The following HRC variants were observed in gnomAD, a reference collection of about 807,000 sequenced individuals.
HRC encodes sarcoplasmic reticulum histidine-rich calcium-binding protein.
HRC carries 41 observed loss-of-function variants against 61.4 expected under a neutral mutation model. The observed-to-expected ratio is 0.67, with a 90% CI of 0.52 to 0.87. The LOEUF is 0.87. Among genes scored for constraint, HRC ranks in the 40% least tolerant of loss-of-function variants. The pLI is 0.00. For missense variants in HRC, 839 were observed against 885.8 expected (o/e 0.95, Z 0.67); for synonymous variants, 308 against 326.6 (o/e 0.94, Z 0.62).
At position 49,153,399 on chromosome 19, in the gene HRC, C is replaced by A; in HGVS notation, c.1831+8G>T. The stretch of plus-strand genomic sequence containing the variant: ...TCCTTCCCACCCACACCAGCCCAGG[C>A]CACTTACCTGTGTCCTCACCGCTTT... On this transcript the variant is annotated splice_region_variant and intron_variant, in intron 1 of 5. Transcript: ENST00000252825. The surrounding 1 kb of genome is among the most constrained non-coding windows in gnomAD (Gnocchi z 4.8). 1 of 1,613,000 alleles carries A rather than the reference C, an allele frequency of 6.2e-7. No homozygotes were observed. The highest frequency in any genetic ancestry group is 1.7e-5 in the Admixed American group (1 of 60,008).
rs771568819 is a variant in HRC, at chr19:49,153,764, G to C, written c.1474C>G (p.Pro492Ala). Reference sequence around the variant, plus strand: ...TCATCGTCTTCCTCATGGGAGCCGGGGTCCTCTTCCTTCTCCTTTTCCTCC... The same window carrying C: ...TCATCGTCTTCCTCATGGGAGCCGGCGTCCTCTTCCTTCTCCTTTTCCTCC... Reference protein sequence around the residue: ...SEEEKEKEEDPGSHEEDDESS... With the variant: ...SEEEKEKEEDAGSHEEDDESS... Residue 492 changes from proline (P) to alanine (A), a missense_variant, in exon 1 of 6, where the codon CCC becomes GCC. By Grantham distance (27) the Pro-to-Ala change is conservative (BLOSUM62 -1). Coordinates refer to ENST00000252825, the MANE Select transcript of HRC (RefSeq NM_002152.3). The surrounding 1 kb of genome is among the most constrained non-coding windows in gnomAD (Gnocchi z 4.8). The C allele has an allele frequency of 8.7e-6, 14 of 1,613,930 alleles. No homozygotes were observed. Among genetic ancestry groups the C allele is most frequent in the Non-Finnish European group, 1.2e-5 (14 of 1,180,024 alleles).
At position 49,153,141 on chromosome 19, in the gene HRC, T is replaced by G; in HGVS notation, c.1902+120A>C. On this transcript the variant is annotated intron_variant, in intron 2 of 5. Coordinates refer to ENST00000252825, the MANE Select transcript of HRC (RefSeq NM_002152.3). The surrounding 1 kb of genome is among the most constrained non-coding windows in gnomAD (Gnocchi z 4.8). Reference sequence around the variant, plus strand: ...CCTCACATGCCTGCAGAAGGATCTCTTTTCTTTCAGAACTGACCCTGGCCT... The same window carrying G: ...CCTCACATGCCTGCAGAAGGATCTCGTTTCTTTCAGAACTGACCCTGGCCT... The G allele has an allele frequency of 2.7e-6, 2 of 752,636 alleles. No individual in the cohort carries two copies. Among genetic ancestry groups the G allele is most frequent in the Non-Finnish European group, 4.7e-6 (2 of 423,076 alleles). 46.6% of individuals were successfully genotyped at this position (752,636 alleles called of 1,614,324 possible).
rs2041392910 is a variant in HRC at position 49,154,303 on chromosome 19, G to C, written c.935C>G (p.Thr312Ser). The C allele has an allele frequency of 1.2e-6, 2 of 1,612,808 alleles. No individual in the cohort carries two copies. The highest frequency in any genetic ancestry group is 1.7e-6 in the Non-Finnish European group (2 of 1,179,600). ...CCTGTGGGCCTGGTGTCCATACTCA[G>C]TGGAGACATCATCATCATCATTGTC... ...EDDNDDDDVS[T>S]EYGHQAHRHQ... is the part of the protein sequence containing the mutation. Residue 312 changes from threonine (T) to serine (S), a missense_variant, in exon 1 of 6, where the codon ACT (threonine) becomes AGT (serine). By Grantham distance (58) the Thr-to-Ser change is moderately conservative. Coordinates refer to ENST00000252825, the MANE Select transcript of HRC (RefSeq NM_002152.3).
chr19:49,153,327 TG>T lies in HRC; in HGVS notation c.1835del (p.Pro612HisfsTer?). 6.2e-7 allele frequency: 1 copy of T among 1,613,870 alleles called. No homozygotes were observed. On this transcript the variant is annotated frameshift_variant, in exon 2 of 6. Coordinates refer to ENST00000252825, the MANE Select transcript of HRC (RefSeq NM_002152.3). LOFTEE classifies it high-confidence loss of function. The surrounding 1 kb of genome is among the most constrained non-coding windows in gnomAD (Gnocchi z 4.8). ...SEEESGEDTG[P>X]QDAQEYGNYQ... ...AGTTCCCATACTCCTGAGCATCCTGTGGACCTGCGGGGACAGGAGGGCAGCA... is the reference window on the plus strand; with the variant it reads ...AGTTCCCATACTCCTGAGCATCCTGTGACCTGCGGGGACAGGAGGGCAGCA...
At position 49,154,956 on chromosome 19, in the gene HRC, A is replaced by G. The variant is rs1490803455; in HGVS notation, c.282T>C (p.Asp94=). 6.2e-7 allele frequency: 1 copy of G among 1,614,202 alleles called. No homozygotes were observed. Among genetic ancestry groups the G allele is most frequent in the Admixed American group, 1.7e-5 (1 of 60,026 alleles). The change falls in exon 1 of 6, where the codon GAT becomes GAC. Residue 94 remains aspartate, a synonymous_variant. Transcript: ENST00000252825. ...GTAGGTGCCCATATTCCTTGGAGAC[A>G]TCTTCATCCTCCTTTTCACGGTCTG... ...SHPDREKEDE[D]VSKEYGHLLP... is the part of the protein sequence containing the mutation.
chr19:49,151,294 G>C lies in HRC; in HGVS notation c.*2C>G. 1 of 1,555,680 alleles carries C rather than the reference G, an allele frequency of 6.4e-7. No homozygotes were observed. Among genetic ancestry groups the C allele is most frequent in the Non-Finnish European group, 8.7e-7 (1 of 1,148,310 alleles). ...CACCTGCGTCGCAGTCGAGCGACTG[G>C]GTCAGGGTTCCGGCGTTTCCAGCAT... On this transcript the variant is annotated 3_prime_UTR_variant, in exon 6 of 6. Coordinates refer to ENST00000252825, the MANE Select transcript of HRC (RefSeq NM_002152.3).
rs1345192863 is a variant in HRC, at chr19:49,153,696, C to T, written c.1542G>A (p.Arg514=). The change falls in exon 1 of 6, where the codon CGG becomes CGA. Residue 514 remains arginine, a synonymous_variant. Transcript: ENST00000252825. The surrounding 1 kb of genome is among the most constrained non-coding windows in gnomAD (Gnocchi z 4.8). ...CCTCATCCTCCTCATCTTCCTGGTC[C>T]CGGCTGCCATGATGGGTGCCTTTCT... is the stretch of plus-strand genomic sequence containing the variant. ...QGEKGTHHGS[R]DQEDEEDEEE... is the part of the protein sequence containing the mutation. The T allele has an allele frequency of 6.2e-7, 1 of 1,613,366 alleles. No individual in the cohort carries two copies. Among genetic ancestry groups the T allele is most frequent in the East Asian group, 2.2e-5 (1 of 44,860 alleles).
At position 49,154,091 on chromosome 19, in the gene HRC, TCTC is replaced by T. The variant is rs763817475; in HGVS notation, c.1144_1146del (p.Glu382del). 16 of 1,614,018 alleles carry T rather than the reference TCTC, an allele frequency of 9.9e-6. No individual in the cohort carries two copies. The African/African-American group carries it at 1.9e-4, about 19-fold the overall frequency. ...ACATAGTGGCCGAACTGGACTGTGA[TCTC>T]CTCTTCTTCCTCTTCCTCATCTACA... On this transcript the variant is annotated inframe_deletion, in exon 1 of 6. Transcript: ENST00000252825.
chr19:49,152,425 G>A, intron 2 of HRC, 47 bp from the exon 3 acceptor site: 1 of 1,556,322 alleles, frequency 6.4e-7, no homozygotes, highest in South Asian at 1.1e-5. Context: ...AACGCCACTT[G>A]GGAGGTACCC....
At position 49,154,474 on chromosome 19, in the gene HRC, TC is replaced by T. The variant is rs2041398948; in HGVS notation, c.763del (p.Asp255MetfsTer120). 1.3e-6 allele frequency: 2 copies of T among 1,586,172 alleles called. No homozygotes were observed. The highest frequency in any genetic ancestry group is 1.7e-5 in the Admixed American group (1 of 58,770). On this transcript the variant is annotated frameshift_variant, in exon 1 of 6. Transcript: ENST00000252825. LOFTEE classifies it high-confidence loss of function. ...GGAGACATCATCATCATCATCATCA[TC>T]ATCATCATCATCATCATCATCGTCA... ...EDDDDDDDDD[D>X]DDDDDDVSIE...
At position 49,152,310 on chromosome 19, in the gene HRC, C is replaced by T. The variant is rs1190829166; in HGVS notation, c.1971G>A (p.Gln657=). ...ENMGEHCDQC[Q]HCQFCYLCPL... ...CCTTGAGTGTGAGGTGAGGTCTCAC[C>T]TGGCACTGGTCGCAGTGCTCACCCA... is the stretch of plus-strand genomic sequence containing the variant. Residue 657 remains glutamine, a splice_region_variant and synonymous_variant, in exon 3 of 6, where the codon CAG becomes CAA. Transcript: ENST00000252825. 6.2e-7 allele frequency: 1 copy of T among 1,612,016 alleles called. No homozygotes were observed. Among genetic ancestry groups the T allele is most frequent in the Non-Finnish European group, 8.5e-7 (1 of 1,178,526 alleles).
intron 4 of HRC, 81 bp downstream of exon 4, chr19:49,151,923 C>A: frequency 1.4e-6 from 2 of 1,407,336 alleles, no homozygotes; most frequent in Non-Finnish European, 2.0e-6. Flanking sequence ...GCCTACCGGG[C>A]CAGGCTCCGC....
intron 3 of HRC, 41 bp from the exon 4 acceptor site, chr19:49,152,099 G>T: frequency 6.3e-7 from 1 of 1,579,518 alleles, no homozygotes; most frequent in Non-Finnish European, 8.7e-7. Flanking sequence ...CGTGGGGCGT[G>T]GCCGGGGGCG....
rs1356855439 is a variant in HRC at position 49,155,108 on chromosome 19, T to C, written c.130A>G (p.Thr44Ala). The C allele has an allele frequency of 6.2e-7, 1 of 1,614,020 alleles. No homozygotes were observed. Among genetic ancestry groups the C allele is most frequent in the Middle Eastern group, 1.6e-4 (1 of 6,062 alleles). ...GLGFRNRNNSTGVAGLSEEAS... is the reference protein window; with the variant it reads ...GLGFRNRNNSAGVAGLSEEAS... ...TCCTCGGAGAGCCCGGCGACTCCAGTGCTGTTGTTCCGGTTTCTGAAGCCT... is the reference window on the plus strand; with the variant it reads ...TCCTCGGAGAGCCCGGCGACTCCAGCGCTGTTGTTCCGGTTTCTGAAGCCT... Residue 44 changes from threonine to alanine, a missense_variant, in exon 1 of 6, where the codon ACT becomes GCT. By Grantham distance (58) the Thr-to-Ala change is moderately conservative. Coordinates refer to ENST00000252825, the MANE Select transcript of HRC (RefSeq NM_002152.3). This position sits in a 1 kb window ranked among gnomAD's most constrained non-coding sequence, Gnocchi z 4.7.
At position 49,153,681 on chromosome 19, in the gene HRC, C is replaced by T; in HGVS notation, c.1557G>A (p.Glu519=). The T allele has an allele frequency of 6.2e-7, 1 of 1,611,680 alleles. No homozygotes were observed. The change falls in exon 1 of 6, where the codon GAG becomes GAA. Residue 519 remains glutamate (E), a synonymous_variant. Transcript: ENST00000252825. The surrounding 1 kb of genome is among the most constrained non-coding windows in gnomAD (Gnocchi z 4.8). ...THHGSRDQED[E]EDEEEGHGLS... ...GGCCATGACCTTCCTCCTCATCCTC[C>T]TCATCTTCCTGGTCCCGGCTGCCAT...
chr19:49,151,585 G>A (rs754352949), intron 4 of HRC, 32 bp from the exon 5 acceptor site: 18 of 1,609,844 alleles, frequency 1.1e-5, no homozygotes, highest in Middle Eastern at 3.9e-4. Flanking sequence ...AGGCTTGAGG[G>A]GTACTGCACG....
At position 49,153,455 on chromosome 19, in the gene HRC, C is replaced by G; in HGVS notation, c.1783G>C (p.Glu595Gln). 1.9e-6 allele frequency: 3 copies of G among 1,602,236 alleles called. No individual in the cohort carries two copies. The highest frequency in any genetic ancestry group is 2.6e-6 in the Non-Finnish European group (3 of 1,172,994). The change falls in exon 1 of 6, where the codon GAG becomes CAG. Residue 595 changes from glutamate to glutamine, a missense_variant. Physicochemically the swap from Glu to Gln is conservative, Grantham distance 29 (BLOSUM62 2). Transcript: ENST00000252825. The surrounding 1 kb of genome is among the most constrained non-coding windows in gnomAD (Gnocchi z 4.8). ...TCGCTGGAGGCACCTCCAGCCTCCT[C>G]TCTCCTGTCCAGTGGGTTGGGGATG... Reference protein sequence around the residue: ...TIIPNPLDRREEAGGASSEEE... With the variant: ...TIIPNPLDRRQEAGGASSEEE...
Position 49,154,134 on chromosome 19 carries a change from A to G in HRC, c.1104T>C (p.His368=). The G allele has an allele frequency of 6.2e-7, 1 of 1,614,064 alleles. No homozygotes were observed. Among genetic ancestry groups the G allele is most frequent in the Non-Finnish European group, 8.5e-7 (1 of 1,180,020 alleles). Reference sequence around the variant, plus strand: ...CCTCATCTACAAGGCCATGGTGGACATGTTGGGGACCCTGGTGCCAACGTT... The same window carrying G: ...CCTCATCTACAAGGCCATGGTGGACGTGTTGGGGACCCTGGTGCCAACGTT... ...STERWHQGPQ[H]VHHGLVDEEE... is the part of the protein sequence containing the mutation. Residue 368 remains histidine, a synonymous_variant, in exon 1 of 6, where the codon CAT becomes CAC. Transcript: ENST00000252825.
rs1227693991 is a variant in HRC, at chr19:49,154,991, A to C, written c.247T>G (p.Trp83Gly). The change falls in exon 1 of 6, where the codon TGG becomes GGG. Residue 83 changes from tryptophan (W) to glycine (G), a missense_variant. By Grantham distance (184) the Trp-to-Gly change is radical. Transcript: ENST00000252825. ...TCCTTTTCACGGTCTGGGTGGCTCC[A>C]GAAATGATGCCCATTCTCTGTGGAA... ...DVSTENGHHF[W>G]SHPDREKEDE... The C allele has an allele frequency of 1.2e-6, 2 of 1,614,118 alleles. No homozygotes were observed. Among genetic ancestry groups the C allele is most frequent in the East Asian group, 2.2e-5 (1 of 44,892 alleles).
Sources: allele counts gnomAD v4.1 joint callset, GRCh38; gene constraint gnomAD v4.1.1; non-coding constraint Gnocchi (gnomAD v3.1); transcripts MANE v1.5; gene names NCBI Gene and HGNC (gene_info 2026-07-23, HGNC 2026-07-21).